TTN: variants seen among roughly 807,000 people sequenced by gnomAD.
TTN encodes the protein titin, also known as connectin.
A neutral mutation model predicts 3,223.0 loss-of-function variants in TTN; 1,525 were observed. The ratio of observed to expected loss-of-function variants is 0.47; its 90% CI spans 0.45 to 0.49. The LOEUF is 0.49. Among genes scored for constraint, TTN ranks in the 20% least tolerant of loss-of-function variants. TTN has a pLI of 0.00. For missense variants in TTN, 40,786 were observed against 43,424.0 expected, an observed-to-expected ratio of 0.94 and a Z score of 5.40; for synonymous variants, 14,094 against 15,161.0, an observed-to-expected ratio of 0.93 and a Z score of 5.17.
In TTN at chr2:178,633,884, C is replaced by T. The variant is rs2060109212; in HGVS notation, c.42615G>A (p.Leu14205=). ...THKLEMKEVT[L]DDISQIKAQV... The stretch of plus-strand genomic sequence containing the variant: ...GAGCTTTTATCTGAGATATATCATC[C>T]AATGTCACTTCTTTCATTTCCAATT... The change falls in exon 231 of 363, where the codon TTG becomes TTA. Residue 14205 remains leucine, a synonymous_variant. Coordinates refer to ENST00000589042, the MANE Select transcript of TTN (RefSeq NM_001267550.2). The T allele has an allele frequency of 1.2e-6, 2 of 1,613,262 alleles. No individual in the cohort carries two copies. The highest frequency in any genetic ancestry group is 3.3e-5 in the Admixed American group (2 of 59,962).
chr2:178,537,470 T>G lies in TTN; in HGVS notation c.99737A>C (p.Glu33246Ala), dbSNP rs1692148720. The G allele has an allele frequency of 6.2e-7, 1 of 1,613,484 alleles. No homozygotes were observed. The highest frequency in any genetic ancestry group is 1.1e-5 in the South Asian group (1 of 91,062). Reference sequence around the variant, plus strand: ...AAGATGAGTATAGTGCTCAGTGTTTTCAATAGTAATGTTTTCTGAGTTTTG... The same window carrying G: ...AAGATGAGTATAGTGCTCAGTGTTTGCAATAGTAATGTTTTCTGAGTTTTG... ...LLQNSENITIENTEHYTHLVM... is the reference protein window; with the variant it reads ...LLQNSENITIANTEHYTHLVM... The change falls in exon 355 of 363, where the codon GAA becomes GCA. Residue 33246 changes from glutamate to alanine, a missense_variant. Physicochemically the swap from Glu to Ala is moderately radical, Grantham distance 107. Coordinates refer to ENST00000589042, the MANE Select transcript of TTN (RefSeq NM_001267550.2).
chr2:178,750,483 G>A (rs760732590), intron 47 of TTN: 8 of 1,612,758 alleles, frequency 5.0e-6, no homozygotes, highest in Middle Eastern at 1.6e-4. Context: ...GTCACTATAG[G>A]TTGAGGATAT....
rs1363502764 is a variant in TTN, at chr2:178,618,095, CAGA to C, written c.47270-17_47270-15del. 4 of 1,611,360 alleles carry C rather than the reference CAGA, an allele frequency of 2.5e-6. No individual in the cohort carries two copies. The Admixed American group carries it at 5.0e-5, about 20-fold the overall frequency. ...GGCCTGGAACATCTGGATTTCACCA[CAGA>C]AGAAGAAAATATGAGTTTGGGGTAA... On this transcript the variant is annotated splice_polypyrimidine_tract_variant and intron_variant, in intron 252 of 362. Coordinates refer to ENST00000589042, the MANE Select transcript of TTN (RefSeq NM_001267550.2).
chr2:178,731,363 G>T lies in TTN; in HGVS notation c.17403C>A (p.Val5801=), dbSNP rs763205204. Residue 5801 remains valine (V), a synonymous_variant, in exon 59 of 363, where the codon GTC becomes GTA. Transcript: ENST00000589042. ...GIEVKHDGKY[V]CQAKNDAGIQ... ...TTCCTGCATCATTTTTGGCCTGACA[G>T]ACATATTTCCCATCATGCTTGACTT... 1 of 1,613,822 alleles carries T rather than the reference G, an allele frequency of 6.2e-7. No homozygotes were observed. Among genetic ancestry groups the T allele is most frequent in the East Asian group, 2.2e-5 (1 of 44,860 alleles).
rs1244294413 is a variant in TTN at position 178,592,379 on chromosome 2, C to T, written c.59626G>A (p.Asp19876Asn). The T allele has an allele frequency of 6.2e-7, 1 of 1,610,884 alleles. No homozygotes were observed. Among genetic ancestry groups the T allele is most frequent in the East Asian group, 2.2e-5 (1 of 44,756 alleles). ...KTVSVKVLVLDKPGPPRDLEV... is the reference protein window; with the variant it reads ...KTVSVKVLVLNKPGPPRDLEV... ...ATGGCCTAAGTAGTAAAATTCTTAC[C>T]TAATACAAGTACTTTTACTGAGACA... Residue 19876 changes from aspartate (D) to asparagine (N), a missense_variant and splice_region_variant, in exon 301 of 363, where the codon GAT (aspartate) becomes AAT (asparagine). Coordinates refer to ENST00000589042, the MANE Select transcript of TTN (RefSeq NM_001267550.2).
At chr2:178,691,171 C>T (rs2072316350) in intron 121 of TTN, among the ~76,000 whole-genome samples, 1 of 152,044 alleles carries the variant, frequency 6.6e-6, no homozygotes, top group Non-Finnish European at 1.5e-5. Context: ...CAAAGTCAGG[C>T]CAAGGGAACA....
At chr2:178,713,503 G>T (rs1350105775) in intron 92 of TTN, 131 bp from the exon 93 acceptor site, 1 of 1,365,222 alleles carries the variant, frequency 7.3e-7, no homozygotes, top group Non-Finnish European at 9.6e-7. Flanking sequence ...TTTTGTGACG[G>T]TATTAAAAAC....
In TTN at chr2:178,650,229, G is replaced by T; in HGVS notation, c.39752C>A (p.Ala13251Asp). Reference protein sequence around the residue: ...PEEIAPEEEIAPEEEKPVPVA... With the variant: ...PEEIAPEEEIDPEEEKPVPVA... ...AGGAACTGGCTTTTCCTCTTCAGGA[G>T]CAATTTCCTCTTCAGGAGCAATTTC... Residue 13251 changes from alanine to aspartate, a missense_variant, in exon 210 of 363, where the codon GCT (alanine) becomes GAT (aspartate). By Grantham distance (126) the Ala-to-Asp change is moderately radical. Coordinates refer to ENST00000589042, the MANE Select transcript of TTN (RefSeq NM_001267550.2). 1.9e-6 allele frequency: 3 copies of T among 1,556,702 alleles called. No homozygotes were observed. The African/African-American group carries it at 4.6e-5, about 24-fold the overall frequency.
In TTN at chr2:178,764,713, G is replaced by A. The variant is rs912372716; in HGVS notation, c.9802C>T (p.Pro3268Ser). The A allele has an allele frequency of 4.4e-5, 71 of 1,613,980 alleles. No individual in the cohort carries two copies. In the Middle Eastern group the frequency reaches 6.6e-4, roughly 15 times the overall value. ...FCAVISGRPQ[P>S]KISWYKEEQL... ...TCTTCCTTGTACCAGGAAATTTTGG[G>A]CTGTGGTCTTCCGGATATCACGGCA... is the stretch of plus-strand genomic sequence containing the variant. The change falls in exon 42 of 363, where the codon CCC becomes TCC. Residue 3268 changes from proline (P) to serine (S), a missense_variant. By Grantham distance (74) the Pro-to-Ser change is moderately conservative. Coordinates refer to ENST00000589042, the MANE Select transcript of TTN (RefSeq NM_001267550.2).
chr2:178,770,692 G>A lies in TTN; in HGVS notation c.8117-17C>T, dbSNP rs576630131. On this transcript the variant is annotated splice_polypyrimidine_tract_variant and intron_variant, in intron 34 of 362. Coordinates refer to ENST00000589042, the MANE Select transcript of TTN (RefSeq NM_001267550.2). Reference sequence around the variant, plus strand: ...TTTTGACAGCTAAAGACAAATTTATGATTGGGTTAGAAAATATAGATGACA... The same window carrying A: ...TTTTGACAGCTAAAGACAAATTTATAATTGGGTTAGAAAATATAGATGACA... 6.2e-7 allele frequency: 1 copy of A among 1,606,710 alleles called. No individual in the cohort carries two copies.
Position 178,740,389 on chromosome 2 carries a change from T to G in TTN, c.12844A>C (p.Ile4282Leu), listed in dbSNP as rs56244420. The stretch of plus-strand genomic sequence containing the variant: ...AGGGGCTCATAGTTTACCTGAGAGA[T>G]CATGACATCAGGACTCTGGAGACTC... The part of the protein sequence containing the change: ...VESLQSPDVM[I>L]SQVNYEPLVP... The change falls in exon 48 of 363, where the codon ATC becomes CTC. Residue 4282 changes from isoleucine (I) to leucine (L), a missense_variant. Transcript: ENST00000589042. 55 of 1,613,222 alleles carry G rather than the reference T, an allele frequency of 3.4e-5. No individual in the cohort carries two copies. The African/African-American group carries it at 6.5e-4, about 19-fold the overall frequency.
chr2:178,750,209 T>A (rs1224186146), intron 47 of TTN: 2 of 1,613,070 alleles, frequency 1.2e-6, no homozygotes, highest in Admixed American at 3.3e-5. Flanking sequence ...TTTTGCTTGG[T>A]CAAACACCAA....
At chr2:178,669,534 A>G in intron 158 of TTN, 58 bp downstream of exon 158, 3 of 1,603,520 alleles carry the variant, frequency 1.9e-6, no homozygotes, top group Non-Finnish European at 2.6e-6. Flanking sequence ...CATTCACTTT[A>G]AACCATGAAA....
chr2:178,608,672 C>T lies in TTN; in HGVS notation c.52339G>A (p.Ala17447Thr), dbSNP rs1367567526. 3.7e-6 allele frequency: 6 copies of T among 1,612,078 alleles called. No homozygotes were observed. The highest frequency in any genetic ancestry group is 5.1e-6 in the Non-Finnish European group (6 of 1,178,978). ...EGKEYLFRVR[A>T]ENRFGPGPPC... ...GGACCTGGCCCAAATCTGTTTTCAG[C>T]TCTTACACGGAAGAGGTACTCTTTT... Residue 17447 changes from alanine to threonine, a missense_variant, in exon 274 of 363, where the codon GCT (alanine) becomes ACT (threonine). Ala to Thr is a moderately conservative substitution (Grantham distance 58). Transcript: ENST00000589042.
intron 47 of TTN, chr2:178,751,307 G>A (rs767456288): frequency 8.7e-6 from 14 of 1,610,652 alleles, no homozygotes; most frequent in African/African-American, 1.3e-5. Context: ...CTTCACTTTG[G>A]TCTCCTTGTC....
At position 178,559,809 on chromosome 2, in the gene TTN, T is replaced by C. The variant is rs1201545659; in HGVS notation, c.86323A>G (p.Thr28775Ala). 1 of 1,609,990 alleles carries C rather than the reference T, an allele frequency of 6.2e-7. No homozygotes were observed. The highest frequency in any genetic ancestry group is 1.7e-5 in the Admixed American group (1 of 59,896). Residue 28775 changes from threonine (T) to alanine (A), a missense_variant, in exon 326 of 363, where the codon ACT becomes GCT. Transcript: ENST00000589042. Reference sequence around the variant, plus strand: ...ACTGGTCTTCCTCGGAAAGGCACAGTCATGGTAAATGAGGCACCAGCCTTG... The same window carrying C: ...ACTGGTCTTCCTCGGAAAGGCACAGCCATGGTAAATGAGGCACCAGCCTTG... ...IVKAGASFTM[T>A]VPFRGRPVPN...
chr2:178,740,676 G>A lies in TTN; in HGVS notation c.12557C>T (p.Pro4186Leu), dbSNP rs766658756. 6.2e-7 allele frequency: 1 copy of A among 1,613,794 alleles called. No individual in the cohort carries two copies. The highest frequency in any genetic ancestry group is 1.7e-5 in the Admixed American group (1 of 60,012). The change falls in exon 48 of 363, where the codon CCA becomes CTA. Residue 4186 changes from proline to leucine, a missense_variant. Physicochemically the swap from Pro to Leu is moderately conservative, Grantham distance 98 (BLOSUM62 -3). Coordinates refer to ENST00000589042, the MANE Select transcript of TTN (RefSeq NM_001267550.2). ...AATTTGTTCTATGGACATGGCACTT[G>A]GGAAGATTTTCTCGGTATCTGATAG... ...AVLSDTEKIFPSAMSIEQINS... is the reference protein window; with the variant it reads ...AVLSDTEKIFLSAMSIEQINS...
chr2:178,645,739 C>T, intron 217 of TTN, 181 bp downstream of exon 217: 1 of 403,498 alleles, frequency 2.5e-6, no homozygotes, highest in African/African-American at 2.1e-5. Flanking sequence ...GCAGGCATGG[C>T]ATGACAAGCA....
intron 275 of TTN, 30 bp from the exon 276 acceptor site, chr2:178,608,111 C>T: frequency 1.2e-6 from 2 of 1,607,530 alleles, no homozygotes; most frequent in South Asian, 1.1e-5. Flanking sequence ...ACAAATCAAA[C>T]TCCCTGATGG....
Sources: gnomAD v4.1 joint callset for allele counts (sites outside exome capture counted in the v4.1 genomes callset) on GRCh38, gnomAD v4.1.1 for gene constraint, MANE v1.5 for transcripts, NCBI Gene and HGNC (gene_info 2026-07-23, HGNC 2026-07-21) for gene names.